Variants in WDR70 observed in about 807,000 individuals in gnomAD.
WDR70 encodes the protein WD repeat domain 70, also known as WD repeat-containing protein 70.
Under a neutral mutation model 88.6 loss-of-function variants are expected in WDR70, and 53 were observed. The observed-to-expected ratio is 0.60, with a 90% CI of 0.48 to 0.75. WDR70 has a LOEUF of 0.75. WDR70 is among the 30% of genes least tolerant of loss of function. The pLI is 0.00. For missense variants in WDR70, 610 were observed against 823.2 expected (o/e 0.74, Z 3.17); for synonymous variants, 280 against 270.0 (o/e 1.04, Z -0.36).
chr5:37,436,662 G>T (rs1750474840), intron 5 of WDR70, among the ~76,000 whole-genome samples: 2 of 152,142 alleles, frequency 1.3e-5, no homozygotes, highest in African/African-American at 2.4e-5. Context: ...GAGGTAGGGG[G>T]TGAAAGAAAG....
intron 5 of WDR70, among the ~76,000 whole-genome samples, chr5:37,408,693 T>C (rs181464091): frequency 1.2e-3 from 179 of 152,308 alleles, no homozygotes; most frequent in African/African-American, 4.3e-3. Context: ...CTTTCAGTTA[T>C]AGCAATGACA....
intron 10 of WDR70, among the ~76,000 whole-genome samples, chr5:37,696,666 CA>C (rs750384139): frequency 7.2e-6 from 1 of 139,580 alleles, no homozygotes; most frequent in Non-Finnish European, 1.6e-5. Context: ...TACACAGGTA[CA>C]CACACACGCG....
intron 17 of WDR70, among the ~76,000 whole-genome samples, chr5:37,729,811 A>G (rs1234045752): frequency 6.6e-6 from 1 of 152,136 alleles, no homozygotes; most frequent in African/African-American, 2.4e-5. Context: ...TCTAGGAGTC[A>G]GAGCTTTAAA....
rs1007404826 is a variant in WDR70 at position 37,391,874 on chromosome 5, G to T, written c.176-126G>T. The T allele has an allele frequency of 1.1e-5, 11 of 1,022,298 alleles. No individual in the cohort carries two copies. The African/African-American group carries it at 1.5e-4, about 14-fold the overall frequency. The allele number at this position is 1,022,298 out of a possible 1,614,324, so 63.3% of individuals were successfully genotyped here. A position where few individuals can be genotyped will look rare whatever the true frequency, so the allele number is the denominator to read the frequency against. ...CAGTGGCTGTGGTTGATAATTTTTT[G>T]CTGTTACTGCTAACACTCTAAGTTA... On this transcript the variant is annotated intron_variant, in intron 3 of 17. Coordinates refer to ENST00000265107, the MANE Select transcript of WDR70 (RefSeq NM_018034.4).
chr5:37,499,651 G>A (rs551055579), intron 8 of WDR70, among the ~76,000 whole-genome samples: 151 of 134,422 alleles, frequency 1.1e-3, no homozygotes, highest in African/African-American at 4.4e-3. Flanking sequence ...CTGCAGCCTC[G>A]CCAGCCTGGG....
At chr5:37,662,788 A>G (rs550571201) in intron 10 of WDR70, among the ~76,000 whole-genome samples, 4 of 152,300 alleles carry the variant, frequency 2.6e-5, no homozygotes, top group Middle Eastern at 3.4e-3. Flanking sequence ...GATAAATGAA[A>G]ATACAATTTT....
intron 7 of WDR70, among the ~76,000 whole-genome samples, chr5:37,445,782 A>G (rs1427124878): frequency 2.0e-5 from 3 of 152,224 alleles, no homozygotes; most frequent in Non-Finnish European, 2.9e-5. Context: ...TATTGATGGG[A>G]CATATCTCAA....
At chr5:37,535,884 A>T (rs551998361) in intron 9 of WDR70, among the ~76,000 whole-genome samples, 1 of 152,356 alleles carries the variant, frequency 6.6e-6, no homozygotes, top group South Asian at 2.1e-4. Context: ...CCAGAATGTG[A>T]ACCCACTGAG....
chr5:37,728,041 A>G (rs1748031232), intron 17 of WDR70, among the ~76,000 whole-genome samples: 1 of 152,128 alleles, frequency 6.6e-6, no homozygotes, highest in Non-Finnish European at 1.5e-5. Flanking sequence ...CTATAAAACT[A>G]ACATTAGTAT....
chr5:37,391,470 A>G (rs1340075174), intron 3 of WDR70, among the ~76,000 whole-genome samples: 3 of 152,130 alleles, frequency 2.0e-5, no homozygotes, highest in Non-Finnish European at 4.4e-5. Context: ...TCTGACTTTG[A>G]CTACTCTAGA....
intron 7 of WDR70, among the ~76,000 whole-genome samples, chr5:37,449,564 C>G (rs1346825896): frequency 6.9e-6 from 1 of 144,874 alleles, no homozygotes; most frequent in Non-Finnish European, 1.5e-5. Flanking sequence ...TGCACTCCAG[C>G]CTGGGCAACG....
At chr5:37,674,638 G>C (rs1345034484) in intron 10 of WDR70, among the ~76,000 whole-genome samples, 1 of 152,106 alleles carries the variant, frequency 6.6e-6, no homozygotes, top group Admixed American at 6.5e-5. Context: ...ATCATCGTTG[G>C]ACGTTTGGGT....
intron 17 of WDR70, among the ~76,000 whole-genome samples, chr5:37,735,675 A>G (rs1748285201): frequency 6.6e-6 from 1 of 152,180 alleles, no homozygotes; most frequent in African/African-American, 2.4e-5. Flanking sequence ...CTGCTAGAGT[A>G]TACTGTTTAC....
intron 9 of WDR70, among the ~76,000 whole-genome samples, chr5:37,526,718 G>A (rs1261078360): frequency 4.6e-5 from 7 of 152,130 alleles, no homozygotes; most frequent in African/African-American, 1.7e-4. Flanking sequence ...TGACATGATT[G>A]TGTATTTAGA....
chr5:37,426,900 C>T (rs867055967), intron 5 of WDR70, among the ~76,000 whole-genome samples: 5 of 151,708 alleles, frequency 3.3e-5, no homozygotes, highest in South Asian at 4.2e-4. Flanking sequence ...CTCAGTCTCC[C>T]GAGTAGCTGG....
intron 4 of WDR70, among the ~76,000 whole-genome samples, chr5:37,393,492 T>C (rs1428980449): frequency 6.6e-6 from 1 of 152,192 alleles, no homozygotes; most frequent in Non-Finnish European, 1.5e-5. Context: ...TATGTAGGTG[T>C]TTATTGTTGT....
intron 17 of WDR70, among the ~76,000 whole-genome samples, chr5:37,736,567 T>C (rs892090574): frequency 1.3e-5 from 2 of 152,102 alleles, no homozygotes; most frequent in Non-Finnish European, 2.9e-5. Flanking sequence ...AGCCAATGTT[T>C]CTGAAAGTGG....
intron 8 of WDR70, among the ~76,000 whole-genome samples, chr5:37,499,587 T>TTCTC (rs72226896): frequency 0.089 from 3,689 of 41,252 alleles, 305 homozygotes; most frequent in African/African-American, 0.21. Flanking sequence ...TTTGGAAATA[T>TTCTC]TCTCTCTCTC....
chr5:37,583,211 G>A (rs1211589223), intron 9 of WDR70, among the ~76,000 whole-genome samples: 1 of 152,094 alleles, frequency 6.6e-6, no homozygotes, highest in Non-Finnish European at 1.5e-5. Flanking sequence ...TGGATCACGA[G>A]GTGAGGAGAC....
Sources: gnomAD v4.1 joint callset for allele counts (sites outside exome capture counted in the v4.1 genomes callset) on GRCh38, gnomAD v4.1.1 for gene constraint, MANE v1.5 for transcripts, NCBI Gene and HGNC (gene_info 2026-07-23, HGNC 2026-07-21) for gene names.